MYRIP: variants seen among roughly 807,000 people sequenced by gnomAD.
MYRIP encodes myosin VIIA and Rab interacting protein, also known as rab effector MyRIP.
MYRIP carries 49 observed loss-of-function variants against 98.0 expected under a neutral mutation model. That is an observed-to-expected ratio of 0.50 (90% CI 0.40 to 0.63). The LOEUF is 0.63. Among genes scored for constraint, MYRIP ranks in the 30% least tolerant of loss-of-function variants. The pLI is 0.00. For synonymous variants in MYRIP, 404 were observed against 409.5 expected, an observed-to-expected ratio of 0.99 and a Z score of 0.16; for missense variants, 1,004 against 1,058.2, an observed-to-expected ratio of 0.95 and a Z score of 0.71.
intron 2 of MYRIP, among the ~76,000 whole-genome samples, chr3:40,034,243 G>T (rs1292269022): frequency 6.6e-6 from 1 of 152,040 alleles, no homozygotes; most frequent in African/African-American, 2.4e-5. Context: ...AAACTAAAGA[G>T]CTTCTGCACA....
intron 2 of MYRIP, among the ~76,000 whole-genome samples, chr3:40,009,113 G>A (rs909843395): frequency 2.0e-5 from 3 of 152,218 alleles, no homozygotes; most frequent in Admixed American, 6.5e-5. Flanking sequence ...CAAGGTTGGG[G>A]TTGTGACAGC....
At chr3:40,112,072 A>C (rs1466652673) in intron 3 of MYRIP, among the ~76,000 whole-genome samples, 2 of 152,156 alleles carry the variant, frequency 1.3e-5, no homozygotes, top group Non-Finnish European at 2.9e-5. Flanking sequence ...TGAGGGTTTA[A>C]GAGATTTAAG....
intron 2 of MYRIP, among the ~76,000 whole-genome samples, chr3:39,989,384 C>T (rs1189046480): frequency 2.0e-5 from 3 of 152,146 alleles, no homozygotes; most frequent in African/African-American, 7.2e-5. Context: ...GCCTGGAAAA[C>T]AGCAAAGATG....
chr3:40,081,105 G>A (rs1948470380), intron 3 of MYRIP, among the ~76,000 whole-genome samples: 1 of 152,010 alleles, frequency 6.6e-6, no homozygotes, highest in South Asian at 2.1e-4. Flanking sequence ...AGAGACTGTG[G>A]CCTGTATGAT....
chr3:40,000,511 G>A lies in MYRIP; in HGVS notation c.111-43539G>A, dbSNP rs529124785. On this transcript the variant is annotated intron_variant, in intron 2 of 16. Transcript: ENST00000302541. ...CACAGAATGGCTTTGAAAATCCTTC[G>A]ATTACTCATAAATAACTGTACATCT... 2.0e-5 allele frequency among the ~76,000 whole-genome samples: 3 copies of A among 152,240 alleles called. No homozygotes were observed. In the South Asian group the frequency reaches 6.2e-4, roughly 32 times the overall value.
intron 2 of MYRIP, among the ~76,000 whole-genome samples, chr3:39,906,762 TC>T (rs1943889311): frequency 6.6e-6 from 1 of 152,204 alleles, no homozygotes; most frequent in African/African-American, 2.4e-5. Context: ...TCAGCTGGGA[TC>T]AGTGTGGTAT....
At chr3:40,060,235 C>G (rs931299851) in intron 3 of MYRIP, among the ~76,000 whole-genome samples, 6 of 152,166 alleles carry the variant, frequency 3.9e-5, no homozygotes, top group African/African-American at 1.4e-4. Context: ...GATCATTTTG[C>G]CTGAGAACTG....
At chr3:39,888,643 C>A (rs1046223192) in intron 1 of MYRIP, among the ~76,000 whole-genome samples, 1 of 152,108 alleles carries the variant, frequency 6.6e-6, no homozygotes, top group African/African-American at 2.4e-5. Context: ...TCTAAAACAC[C>A]AAAAGCAATG....
At chr3:39,938,823 C>T (rs1194186908) in intron 2 of MYRIP, among the ~76,000 whole-genome samples, 1 of 152,032 alleles carries the variant, frequency 6.6e-6, no homozygotes, top group Non-Finnish European at 1.5e-5. Flanking sequence ...TTCACTTTAG[C>T]CATTCTGATG....
intron 2 of MYRIP, among the ~76,000 whole-genome samples, chr3:40,017,336 T>C (rs1946885029): frequency 6.6e-6 from 1 of 152,192 alleles, no homozygotes; most frequent in African/African-American, 2.4e-5. Context: ...GATACAATGC[T>C]GGATAGAGAT....
chr3:40,060,167 A>G (rs1947977371), intron 3 of MYRIP, among the ~76,000 whole-genome samples: 1 of 152,206 alleles, frequency 6.6e-6, no homozygotes, highest in African/African-American at 2.4e-5. Context: ...AAATTTTACA[A>G]GGTGTCATTA....
intron 2 of MYRIP, among the ~76,000 whole-genome samples, chr3:39,958,794 A>G (rs553511949): frequency 5.5e-4 from 84 of 152,342 alleles, no homozygotes; most frequent in Non-Finnish European, 1.1e-3. Context: ...ACAAAGGGCT[A>G]ATATCCAGAA....
Position 40,089,573 on chromosome 3 carries a change from T to A in MYRIP, c.332+45302T>A, listed in dbSNP as rs575186348. Among the ~76,000 whole-genome samples the A allele has an allele frequency of 1.6e-4, 24 of 152,308 alleles. No homozygotes were observed. The South Asian group carries it at 5.0e-3, about 32-fold the overall frequency. On this transcript the variant is annotated intron_variant, in intron 3 of 16. Transcript: ENST00000302541. ...TGTGCCTAAATGCTAGAAGTGTTTA[T>A]TGGATTTGACTGAGACTCAAAAAAA...
chr3:40,240,584 T>C (rs1952977622), intron 12 of MYRIP, among the ~76,000 whole-genome samples: 1 of 152,156 alleles, frequency 6.6e-6, no homozygotes, highest in Non-Finnish European at 1.5e-5. Flanking sequence ...GCTTTTCCGA[T>C]GGGCTTAAAA....
At chr3:40,077,171 C>A (rs556476196) in intron 3 of MYRIP, among the ~76,000 whole-genome samples, 1 of 152,162 alleles carries the variant, frequency 6.6e-6, no homozygotes, top group African/African-American at 2.4e-5. Flanking sequence ...CAGACCTTCG[C>A]GGTGAGTGTT....
chr3:39,808,969 A>G (rs2125557587), upstream of MYRIP: 1 of 152,358 alleles, frequency 6.6e-6, no homozygotes, highest in African/African-American at 2.4e-5. Flanking sequence ...TAGCCTGGAC[A>G]GCTCCCTGAT....
intron 2 of MYRIP, among the ~76,000 whole-genome samples, chr3:39,932,648 A>C (rs1033367701): frequency 1.3e-5 from 2 of 152,250 alleles, no homozygotes; most frequent in African/African-American, 4.8e-5. Context: ...GCCTCCCAAC[A>C]CAAGATGAGT....
chr3:40,098,845 T>C (rs7634393), intron 3 of MYRIP, among the ~76,000 whole-genome samples: 3,996 of 149,126 alleles, frequency 0.027, 183 homozygotes, highest in African/African-American at 0.09. Context: ...CATTTTACAG[T>C]CATTTCCAAA....
intron 3 of MYRIP, among the ~76,000 whole-genome samples, chr3:40,090,224 G>A (rs931000933): frequency 1.3e-5 from 2 of 152,080 alleles, no homozygotes; most frequent in Non-Finnish European, 2.9e-5. Flanking sequence ...TGATCACGGA[G>A]CCCTGTGACA....
Sources: allele counts gnomAD v4.1 joint callset (sites outside exome capture counted in the v4.1 genomes callset), GRCh38; gene constraint gnomAD v4.1.1; transcripts MANE v1.5; gene names NCBI Gene and HGNC (gene_info 2026-07-23, HGNC 2026-07-21).